The following CDC42SE2 variants were observed in gnomAD, a reference collection of about 807,000 sequenced individuals.
CDC42SE2 encodes the protein CDC42 small effector protein 2.
Under a neutral mutation model 11.5 loss-of-function variants are expected in CDC42SE2, and 3 were observed. The ratio of observed to expected loss-of-function variants is 0.26; its 90% confidence interval spans 0.12 to 0.67. The LOEUF (loss-of-function observed/expected upper bound fraction) is 0.67. Ranked by LOEUF, CDC42SE2 falls within the 30% of genes least tolerant of loss-of-function variation. The pLI, the probability that CDC42SE2 is intolerant of heterozygous loss-of-function variation, is 0.80. For missense variants in CDC42SE2, 82 were observed against 106.8 expected (o/e 0.77, Z 1.02); for synonymous variants, 33 against 34.8 (o/e 0.95, Z 0.18).
intron 2 of CDC42SE2, among the ~76,000 whole-genome samples, chr5:131,316,567 G>T (rs978080480): frequency 6.6e-6 from 1 of 152,186 alleles, no homozygotes; most frequent in Non-Finnish European, 1.5e-5. Flanking sequence ...GAGACAAAAG[G>T]GACATCTGCA....
At chr5:131,263,019 G>A (rs780842301), upstream of CDC42SE2, among the ~76,000 whole-genome samples, 1 of 151,436 alleles carries the variant, frequency 6.6e-6, no homozygotes, top group Non-Finnish European at 1.5e-5. Flanking sequence ...GTGGCCTGAT[G>A]ATGGCTCACT....
chr5:131,364,265 T>C (rs1256940370), intron 3 of CDC42SE2, among the ~76,000 whole-genome samples: 3 of 152,054 alleles, frequency 2.0e-5, no homozygotes, highest in Non-Finnish European at 4.4e-5. Flanking sequence ...ATTTAAATAG[T>C]GTGTTCAGGG....
chr5:131,210,803 A>T, the CDC42SE2 span, among the ~76,000 whole-genome samples: 7,187 of 152,250 alleles, frequency 0.047, 422 homozygotes, highest in African/African-American at 0.14. Flanking sequence ...GAAATTTCTC[A>T]TCCATTTTCA....
At chr5:131,380,471 C>G (rs1000244991) in intron 3 of CDC42SE2, among the ~76,000 whole-genome samples, 9 of 152,162 alleles carry the variant, frequency 5.9e-5, no homozygotes, top group Non-Finnish European at 1.2e-4. Context: ...TACAGTACCC[C>G]AAACAAGTGT....
rs537213228 is a variant in CDC42SE2, at chr5:131,359,896, T to C, written c.54+349T>C. 2.6e-5 allele frequency among the ~76,000 whole-genome samples: 4 copies of C among 152,180 alleles called. No individual in the cohort carries two copies. The East Asian group carries it at 7.8e-4, about 30-fold the overall frequency. ...GTGGGTGGAAGATGTGACAGCCATA[T>C]TGCCATCATATTCCTCTCAGCTTAC... On this transcript the variant is annotated intron_variant, in intron 3 of 4. Coordinates refer to ENST00000505065, the MANE Select transcript of CDC42SE2 (RefSeq NM_001375635.1).
At chr5:131,290,544 G>A (rs1346556740) in intron 1 of CDC42SE2, among the ~76,000 whole-genome samples, 5 of 146,054 alleles carry the variant, frequency 3.4e-5, no homozygotes, top group African/African-American at 1.0e-4. Flanking sequence ...GTGCAGTGGC[G>A]CGGGGTCAAT....
the CDC42SE2 span, among the ~76,000 whole-genome samples, chr5:131,234,522 G>T: frequency 1.3e-5 from 2 of 151,914 alleles, no homozygotes; most frequent in Middle Eastern, 3.4e-3. Flanking sequence ...TGTAATCCCA[G>T]CTACTCGGGA....
chr5:131,283,244 A>G (rs965759941), intron 1 of CDC42SE2, among the ~76,000 whole-genome samples: 16 of 151,878 alleles, frequency 1.1e-4, no homozygotes, highest in African/African-American at 3.1e-4. Context: ...CCTTTTTTAC[A>G]TAAGTCAGTG....
chr5:131,267,512 G>C (rs1756895120), intron 1 of CDC42SE2, among the ~76,000 whole-genome samples: 1 of 151,994 alleles, frequency 6.6e-6, no homozygotes. Context: ...TCTTCATCAG[G>C]GTATGTGTGT....
chr5:131,343,958 C>T (rs1044894906), intron 2 of CDC42SE2, among the ~76,000 whole-genome samples: 1 of 152,068 alleles, frequency 6.6e-6, no homozygotes, highest in African/African-American at 2.4e-5. Flanking sequence ...CTCTTATGTC[C>T]CCTACCATAA....
the CDC42SE2 span, among the ~76,000 whole-genome samples, chr5:131,232,183 G>A: frequency 5.3e-5 from 8 of 151,822 alleles, no homozygotes; most frequent in East Asian, 5.8e-4. Flanking sequence ...GCTTGATCTC[G>A]GCTTACTGCA....
chr5:131,232,206 C>G, the CDC42SE2 span, among the ~76,000 whole-genome samples: 1 of 152,074 alleles, frequency 6.6e-6, no homozygotes, highest in African/African-American at 2.4e-5. Flanking sequence ...CTTGACTTCC[C>G]GAACTCAGGT....
intron 2 of CDC42SE2, among the ~76,000 whole-genome samples, chr5:131,343,858 A>G (rs950311392): frequency 6.6e-6 from 1 of 152,218 alleles, no homozygotes; most frequent in Admixed American, 6.5e-5. Flanking sequence ...AGAAATGTGG[A>G]TATTAAAGAA....
chr5:131,238,818 T>C, the CDC42SE2 span, among the ~76,000 whole-genome samples: 436 of 152,268 alleles, frequency 2.9e-3, 2 homozygotes, highest in Non-Finnish European at 4.3e-3. Context: ...TTGTCTTTCA[T>C]ACGCATTATC....
the CDC42SE2 span, among the ~76,000 whole-genome samples, chr5:131,236,449 C>T: frequency 4.0e-5 from 6 of 151,856 alleles, no homozygotes; most frequent in African/African-American, 7.3e-5. Context: ...TTTTTTGAGA[C>T]GGAGTCTTGC....
intron 2 of CDC42SE2, among the ~76,000 whole-genome samples, chr5:131,355,105 A>C (rs1749493614): frequency 6.6e-6 from 1 of 152,196 alleles, no homozygotes; most frequent in Admixed American, 6.5e-5. Flanking sequence ...AACTACAAGA[A>C]AATCTGAAAT....
the CDC42SE2 span, among the ~76,000 whole-genome samples, chr5:131,230,247 T>G: frequency 6.6e-6 from 1 of 152,148 alleles, no homozygotes; most frequent in African/African-American, 2.4e-5. Context: ...CTGGAAAGCA[T>G]TAAGGGCAGG....
chr5:131,326,976 C>T lies in CDC42SE2; in HGVS notation c.-286+10832C>T, dbSNP rs1192431468. The stretch of plus-strand genomic sequence containing the variant: ...TTCATATTTGTTTGGTTTATCCTTT[C>T]TTAAGTATTACTCATATTGCTCTGT... On this transcript the variant is annotated intron_variant, in intron 2 of 4. Transcript: ENST00000505065. Among the ~76,000 whole-genome samples, 4 of 152,186 alleles carry T rather than the reference C, an allele frequency of 2.6e-5. No individual in the cohort carries two copies. The East Asian group carries it at 7.7e-4, about 29-fold the overall frequency.
At chr5:131,383,969 A>G (rs1163502667) in intron 3 of CDC42SE2, among the ~76,000 whole-genome samples, 1 of 152,260 alleles carries the variant, frequency 6.6e-6, no homozygotes, top group Non-Finnish European at 1.5e-5. Context: ...CACATGTTCA[A>G]ATGTCCACAT....
Sources: gnomAD v4.1 joint callset for allele counts (sites outside exome capture counted in the v4.1 genomes callset) on GRCh38, gnomAD v4.1.1 for gene constraint, MANE v1.5 for transcripts, NCBI Gene and HGNC (gene_info 2026-07-23, HGNC 2026-07-21) for gene names.